The following NR3C1 variants were observed in gnomAD, a reference collection of about 807,000 sequenced individuals.
NR3C1 encodes glucocorticoid receptor.
In NR3C1, 14 loss-of-function variants were observed where a neutral mutation model predicts 74.0. The observed-to-expected ratio is 0.19, with a 90% CI of 0.12 to 0.30. NR3C1 has a LOEUF of 0.30. Among genes scored for constraint, NR3C1 ranks in the 10% least tolerant of loss-of-function variants. The pLI, the probability that NR3C1 is intolerant of heterozygous loss-of-function variation, is 1.00. For synonymous variants in NR3C1, 308 were observed against 332.5 expected (o/e 0.93, Z 0.80); for missense variants, 695 against 909.8 (o/e 0.76, Z 3.04).
chr5:143,283,360 A>C (rs901233800), intron 7 of NR3C1, among the ~76,000 whole-genome samples: 7 of 152,330 alleles, frequency 4.6e-5, no homozygotes, highest in Non-Finnish European at 8.8e-5. Context: ...TCTCATCTAT[A>C]AAATGGAAGT....
In NR3C1 at chr5:143,420,530, T is replaced by C. The variant is rs1011649872; in HGVS notation, c.-14+14002A>G. ...GAGATCATAGACATGCTATTAATTA[T>C]AATGGTTTTCCCTAGAACACTAGTT... On this transcript the variant is annotated intron_variant, in intron 1 of 8. Coordinates refer to the NR3C1 transcript ENST00000343796. Among the ~76,000 whole-genome samples the C allele has an allele frequency of 6.5e-4, 99 of 152,178 alleles. 1 individual carries two copies. The highest frequency in any genetic ancestry group is 1.3e-4 in the Non-Finnish European group (9 of 68,018).
intron 2 of NR3C1, among the ~76,000 whole-genome samples, chr5:143,383,530 G>A (rs1205805534): frequency 1.3e-5 from 2 of 152,214 alleles, no homozygotes; most frequent in African/African-American, 4.8e-5. Flanking sequence ...AATTTAGGTA[G>A]AAAGAACTGT....
intron 2 of NR3C1, among the ~76,000 whole-genome samples, chr5:143,328,896 A>C (rs920229456): frequency 6.6e-6 from 1 of 152,200 alleles, no homozygotes; most frequent in Admixed American, 6.5e-5. Flanking sequence ...ATTCAAAACA[A>C]GTCTCTAGGA....
chr5:143,318,551 A>G (rs1021112860), intron 2 of NR3C1, among the ~76,000 whole-genome samples: 2 of 152,192 alleles, frequency 1.3e-5, no homozygotes, highest in African/African-American at 2.4e-5. Flanking sequence ...TCACAGTGGC[A>G]GATACAAGTC....
At chr5:143,376,449 G>A (rs777651776) in intron 2 of NR3C1, among the ~76,000 whole-genome samples, 3 of 152,154 alleles carry the variant, frequency 2.0e-5, no homozygotes, top group Admixed American at 2.0e-4. Context: ...ATATGTCCAC[G>A]TTCCTTCTCT....
rs768818105 is a variant in NR3C1, at chr5:143,400,088, G to C, written c.752C>G (p.Pro251Arg). The stretch of plus-strand genomic sequence containing the variant: ...ATCCTTAATTTTGGGTTTAGTGTCC[G>C]GTAAAATGAGAGGCTTGCAGTCCTC... ...SNEDCKPLILPDTKPKIKDNG... is the reference protein window; with the variant it reads ...SNEDCKPLILRDTKPKIKDNG... Residue 251 changes from proline (P) to arginine (R), a missense_variant, in exon 2 of 9, where the codon CCG (proline) becomes CGG (arginine). Transcript: ENST00000394464. 1 of 1,614,154 alleles carries C rather than the reference G, an allele frequency of 6.2e-7. No individual in the cohort carries two copies. The highest frequency in any genetic ancestry group is 8.5e-7 in the Non-Finnish European group (1 of 1,180,028).
intron 3 of NR3C1, among the ~76,000 whole-genome samples, chr5:143,313,663 T>C (rs1331436998): frequency 6.6e-6 from 1 of 152,208 alleles, no homozygotes; most frequent in Non-Finnish European, 1.5e-5. Context: ...TATTAGCTTA[T>C]GGAAGTTAAA....
At chr5:143,312,353 A>G (rs1181851953) in intron 3 of NR3C1, among the ~76,000 whole-genome samples, 1 of 152,136 alleles carries the variant, frequency 6.6e-6, no homozygotes, top group Non-Finnish European at 1.5e-5. Flanking sequence ...TGCTGCATTG[A>G]TCACATACTC....
In NR3C1 at chr5:143,279,701, T is replaced by C. The variant is rs6193; in HGVS notation, c.*2188A>G. ...TTGGAAATAAACTCTTGTTGTAGGA[T>C]AGAAAGGAATTAGTGTATTATTGGC... On this transcript the variant is annotated 3_prime_UTR_variant, in exon 9 of 9. Coordinates refer to ENST00000394464, the MANE Select transcript of NR3C1 (RefSeq NM_000176.3). 2,423 of 298,728 alleles carry C rather than the reference T, an allele frequency of 8.1e-3. 70 individuals carry two copies. The highest frequency in any genetic ancestry group is 0.049 in the African/African-American group (2,236 of 45,238). 18.5% of individuals were successfully genotyped at this position (298,728 alleles called of 1,614,324 possible).
rs114832710 is a variant in NR3C1 at position 143,385,220 on chromosome 5, C to T, written c.1184+14436G>A. 4.8e-3 allele frequency among the ~76,000 whole-genome samples: 731 copies of T among 152,316 alleles called. 4 individuals are homozygous for T. Among genetic ancestry groups the T allele is most frequent in the African/African-American group, 0.017 (696 of 41,580 alleles). The stretch of plus-strand genomic sequence containing the variant: ...GCAGCGCAACCCTGGGCCTGGCCCA[C>T]GAAACCATTTTTTCCTCCTAGACCT... On this transcript the variant is annotated intron_variant, in intron 2 of 8. Transcript: ENST00000394464.
chr5:143,369,417 A>G (rs538359453), intron 2 of NR3C1, among the ~76,000 whole-genome samples: 249 of 152,370 alleles, frequency 1.6e-3, no homozygotes, highest in African/African-American at 5.8e-3. Flanking sequence ...AGCATTATTT[A>G]TAATAGCCAA....
intron 1 of NR3C1, among the ~76,000 whole-genome samples, chr5:143,409,418 T>G (rs771775678): frequency 8.5e-5 from 13 of 152,218 alleles, no homozygotes; most frequent in Non-Finnish European, 1.6e-4. Flanking sequence ...ACTTTAAATG[T>G]GTGATGTTAA....
chr5:143,372,766 T>TA (rs1275772273), intron 2 of NR3C1, among the ~76,000 whole-genome samples: 1 of 152,214 alleles, frequency 6.6e-6, no homozygotes, highest in Non-Finnish European at 1.5e-5. Context: ...TACAATCGTT[T>TA]AGAAACTTTT....
At chr5:143,404,441 C>T (rs1042478452), upstream of NR3C1, 5 of 985,214 alleles carry the variant, frequency 5.1e-6, no homozygotes, top group African/African-American at 8.8e-5. Flanking sequence ...GCGGCCGGGT[C>T]TTCAGCTGCC....
At chr5:143,404,636 C>G, upstream of NR3C1, 1 of 487,180 alleles carries the variant, frequency 2.1e-6, no homozygotes. Context: ...GGAAGTTGCA[C>G]GCCAAATGCA....
At chr5:143,359,233 A>G (rs1831774522) in intron 2 of NR3C1, among the ~76,000 whole-genome samples, 1 of 152,196 alleles carries the variant, frequency 6.6e-6, no homozygotes, top group African/African-American at 2.4e-5. Flanking sequence ...AATAAAGCCC[A>G]AACTTTAACA....
rs117847674 is a variant in NR3C1 at position 143,345,995 on chromosome 5, T to C, written c.1185-31827A>G. Among the ~76,000 whole-genome samples the C allele has an allele frequency of 1.5e-4, 23 of 152,314 alleles. No homozygotes were observed. In the East Asian group the frequency reaches 4.4e-3, roughly 29 times the overall value. The stretch of plus-strand genomic sequence containing the variant: ...GATGATGTTAAGTGAGAGCTTACTG[T>C]ATGTGGATCCCAAATAAGTAGACCA... On this transcript the variant is annotated intron_variant, in intron 2 of 8. Transcript: ENST00000394464.
intron 1 of NR3C1, among the ~76,000 whole-genome samples, chr5:143,425,870 C>T (rs1183387690): frequency 6.6e-6 from 1 of 152,148 alleles, no homozygotes; most frequent in Non-Finnish European, 1.5e-5. Flanking sequence ...AATTCAACTC[C>T]TAGGAATTTA....
intron 1 of NR3C1, among the ~76,000 whole-genome samples, chr5:143,401,582 G>C (rs921504896): frequency 6.6e-6 from 1 of 152,160 alleles, no homozygotes; most frequent in African/African-American, 2.4e-5. Context: ...ATTTTAAAGA[G>C]CAGAAGAGAA....
Sources: allele counts gnomAD v4.1 joint callset (sites outside exome capture counted in the v4.1 genomes callset), GRCh38; gene constraint gnomAD v4.1.1; transcripts MANE v1.5; gene names NCBI Gene and HGNC (gene_info 2026-07-23, HGNC 2026-07-21).